The following FGFR2 variants were observed in gnomAD, a reference collection of about 807,000 sequenced individuals.
FGFR2 encodes fibroblast growth factor receptor 2.
Under a neutral mutation model 95.9 loss-of-function variants are expected in FGFR2, and 19 were observed. The ratio of observed to expected loss-of-function variants is 0.20; its 90% CI spans 0.14 to 0.29. The LOEUF (loss-of-function observed/expected upper bound fraction) is 0.29. Among genes scored for constraint, FGFR2 ranks in the 10% least tolerant of loss-of-function variants. The pLI is 1.00. For missense variants in FGFR2, 707 were observed against 1,056.9 expected, an observed-to-expected ratio of 0.67 and a Z score of 4.59; for synonymous variants, 392 against 393.3, an observed-to-expected ratio of 1.00 and a Z score of 0.04.
At chr10:121,504,188 C>T (rs1847970541) in intron 9 of FGFR2, among the ~76,000 whole-genome samples, 1 of 152,188 alleles carries the variant, frequency 6.6e-6, no homozygotes, top group South Asian at 2.1e-4. Context: ...TCTATACCAT[C>T]TGATCACAAT....
At chr10:121,503,054 C>T (rs1482494127) in intron 10 of FGFR2, among the ~76,000 whole-genome samples, 1 of 152,202 alleles carries the variant, frequency 6.6e-6, no homozygotes, top group Non-Finnish European at 1.5e-5. Flanking sequence ...TCTGAACCAC[C>T]ACCCTCATTT....
chr10:121,519,369 T>C (rs41295549), intron 7 of FGFR2, among the ~76,000 whole-genome samples: 35 of 152,110 alleles, frequency 2.3e-4, no homozygotes, highest in African/African-American at 8.4e-4. Flanking sequence ...GAGGGAAAGA[T>C]ATTTTCCTTG....
chr10:121,543,010 A>G (rs1383972910), intron 5 of FGFR2, among the ~76,000 whole-genome samples: 3 of 152,228 alleles, frequency 2.0e-5, no homozygotes, highest in South Asian at 2.1e-4. Context: ...CAGAATAAAC[A>G]TGCAGAAGGT....
At chr10:121,482,796 AATT>A (rs1276204466) in intron 17 of FGFR2, among the ~76,000 whole-genome samples, 1 of 152,084 alleles carries the variant, frequency 6.6e-6, no homozygotes, top group Admixed American at 6.6e-5. Context: ...AAGGATCATA[AATT>A]ATTATTATTT....
intron 9 of FGFR2, among the ~76,000 whole-genome samples, chr10:121,512,876 CT>C (rs903690420): frequency 4.0e-5 from 6 of 151,338 alleles, no homozygotes; most frequent in African/African-American, 9.7e-5. Flanking sequence ...AATTCTCTCT[CT>C]TTTTTTTTAA....
chr10:121,478,621 A>C lies in FGFR2; in HGVS notation c.*1236T>G, dbSNP rs2133659468. The C allele has an allele frequency of 4.3e-6, 1 of 233,304 alleles. No individual in the cohort carries two copies. Among genetic ancestry groups the C allele is most frequent in the South Asian group, 1.8e-4 (1 of 5,534 alleles). The allele number at this position is 233,304 out of a possible 1,614,324, so 14.5% of individuals were successfully genotyped here. ...TGAGGTCCTGCCAGAATTAGATGAA[A>C]GCAATCCCTTAAAAAGATGGACGTA... On this transcript the variant is annotated 3_prime_UTR_variant, in exon 18 of 18. Transcript: ENST00000358487.
rs117952441 is a variant in FGFR2, at chr10:121,500,789, C to T, written c.1561+37G>A. 6.3e-5 allele frequency: 101 copies of T among 1,611,292 alleles called. 1 individual carries two copies. The highest frequency in any genetic ancestry group is 8.4e-5 in the Non-Finnish European group (99 of 1,179,912). On this transcript the variant is annotated intron_variant, in intron 11 of 17. Coordinates refer to ENST00000358487, the MANE Select transcript of FGFR2 (RefSeq NM_000141.5). ...GGAACTTTCTTGATAAGACTCTCCA[C>T]CCAGCCCCTCCCCGAGCCTCCCGCC...
chr10:121,568,303 T>A (rs1858011011), intron 2 of FGFR2, among the ~76,000 whole-genome samples: 1 of 152,094 alleles, frequency 6.6e-6, no homozygotes, highest in African/African-American at 2.4e-5. Context: ...GAGTCCCAGG[T>A]CTCCAACAAC....
At chr10:121,558,081 A>T (rs1414969321) in intron 4 of FGFR2, among the ~76,000 whole-genome samples, 2 of 152,198 alleles carry the variant, frequency 1.3e-5, no homozygotes, top group East Asian at 1.9e-4. Context: ...GTCCATCATG[A>T]TCTTCTCAAA....
intron 9 of FGFR2, among the ~76,000 whole-genome samples, chr10:121,509,762 T>C (rs1002691305): frequency 1.3e-5 from 2 of 151,848 alleles, no homozygotes; most frequent in African/African-American, 4.8e-5. Flanking sequence ...GGATTACAGG[T>C]GTGGGCCACT....
rs1173726351 is a variant in FGFR2, at chr10:121,496,636, A to G, written c.1759T>C (p.Ser587Pro). 1.2e-6 allele frequency: 2 copies of G among 1,612,446 alleles called. No individual in the cohort carries two copies. Among genetic ancestry groups the G allele is most frequent in the Non-Finnish European group, 1.7e-6 (2 of 1,179,874 alleles). ...RARRPPGMEYSYDINRVPEEQ... is the reference protein window; with the variant it reads ...RARRPPGMEYPYDINRVPEEQ... ...TCAGGAACACGGTTAATGTCATAGG[A>G]GTACTCCATCCCGGGTGGCCTCCGG... is the stretch of plus-strand genomic sequence containing the variant. The change falls in exon 13 of 18, where the codon TCC becomes CCC. Residue 587 changes from serine (S) to proline (P), a missense_variant. Ser to Pro is a moderately conservative substitution (Grantham distance 74). Coordinates refer to ENST00000358487, the MANE Select transcript of FGFR2 (RefSeq NM_000141.5).
intron 1 of FGFR2, among the ~76,000 whole-genome samples, chr10:121,597,051 C>CT (rs1863532156): frequency 1.3e-5 from 2 of 152,130 alleles, no homozygotes; most frequent in Non-Finnish European, 2.9e-5. Context: ...GCAGGTTTGC[C>CT]TTTAAGGGTA....
chr10:121,575,842 G>A (rs1459774796), intron 2 of FGFR2, among the ~76,000 whole-genome samples: 3 of 150,324 alleles, frequency 2.0e-5, no homozygotes, highest in South Asian at 2.1e-4. Flanking sequence ...GTGACAGAGC[G>A]AGACTTCATC....
intron 5 of FGFR2, among the ~76,000 whole-genome samples, chr10:121,550,866 T>C (rs1855291519): frequency 1.3e-5 from 2 of 152,186 alleles, no homozygotes; most frequent in South Asian, 4.1e-4. Flanking sequence ...GTGACAATTA[T>C]TGATTCTTGT....
At chr10:121,533,416 C>T (rs1421352566) in intron 6 of FGFR2, among the ~76,000 whole-genome samples, 1 of 152,136 alleles carries the variant, frequency 6.6e-6, no homozygotes, top group South Asian at 2.1e-4. Flanking sequence ...GGAGAGAAGA[C>T]ATATCTGGCC....
chr10:121,523,038 G>GCAAAT (rs1850784020), intron 6 of FGFR2, among the ~76,000 whole-genome samples: 1 of 152,216 alleles, frequency 6.6e-6, no homozygotes, highest in Non-Finnish European at 1.5e-5. Context: ...CAGACCATGT[G>GCAAAT]CAAATTGACT....
At chr10:121,508,206 A>G (rs547079233) in intron 9 of FGFR2, among the ~76,000 whole-genome samples, 7 of 152,364 alleles carry the variant, frequency 4.6e-5, no homozygotes, top group African/African-American at 1.7e-4. Context: ...CCAGGAAGAT[A>G]ACCCAGTGAC....
At chr10:121,555,778 G>GT (rs1365494228) in intron 4 of FGFR2, among the ~76,000 whole-genome samples, 1 of 152,140 alleles carries the variant, frequency 6.6e-6, no homozygotes, top group Non-Finnish European at 1.5e-5. Flanking sequence ...TTTCTACACT[G>GT]TAACAGTCAT....
In FGFR2 at chr10:121,546,124, T is replaced by C. The variant is rs1854473879; in HGVS notation, c.624+5166A>G. Reference sequence around the variant, plus strand: ...CAGCCAGCTTCTTGCTTTTCTGCATTAAATTGCAATAACTGTCCTGAGCCC... The same window carrying C: ...CAGCCAGCTTCTTGCTTTTCTGCATCAAATTGCAATAACTGTCCTGAGCCC... On this transcript the variant is annotated intron_variant, in intron 5 of 17. Transcript: ENST00000358487. Among the ~76,000 whole-genome samples the C allele has an allele frequency of 3.4e-5, 5 of 149,004 alleles. 1 individual carries two copies. In the South Asian group the frequency reaches 1.0e-3, roughly 31 times the overall value.
Sources: gnomAD v4.1 joint callset for allele counts (sites outside exome capture counted in the v4.1 genomes callset) on GRCh38, gnomAD v4.1.1 for gene constraint, MANE v1.5 for transcripts, NCBI Gene and HGNC (gene_info 2026-07-23, HGNC 2026-07-21) for gene names.